MAP3K1: variants seen among roughly 807,000 people sequenced by gnomAD.
MAP3K1 encodes the protein MAP/ERK kinase kinase 1.
In MAP3K1, 36 loss-of-function variants were observed where a neutral mutation model predicts 144.2. The observed-to-expected ratio is 0.25, with a 90% CI of 0.19 to 0.33. MAP3K1 has a LOEUF of 0.33. Among genes scored for constraint, MAP3K1 ranks in the 10% least tolerant of loss-of-function variants. The pLI, the probability that MAP3K1 is intolerant of heterozygous loss-of-function variation, is 1.00. For synonymous variants in MAP3K1, 718 were observed against 688.7 expected (o/e 1.04, Z -0.67); for missense variants, 1,650 against 1,881.9 (o/e 0.88, Z 2.28).
Position 56,859,893 on chromosome 5 carries a change from G to C in MAP3K1, c.812G>C (p.Arg271Thr). The C allele has an allele frequency of 6.2e-7, 1 of 1,612,922 alleles. No homozygotes were observed. The highest frequency in any genetic ancestry group is 8.5e-7 in the Non-Finnish European group (1 of 1,179,480). The change falls in exon 3 of 20, where the codon AGA (arginine) becomes ACA (threonine). Residue 271 changes from arginine to threonine, a missense_variant. Transcript: ENST00000399503. The part of the protein sequence containing the change: ...TVKSESPGVR[R>T]KRVSPVPFQS... ...AAATCAGAATCTCCAGGAGTAAGGA[G>C]AAAAAGAGTTTCCCCAGTGCCTGTA...
chr5:56,875,254 A>C lies in MAP3K1; in HGVS notation c.1909A>C (p.Ser637Arg). 6.2e-7 allele frequency: 1 copy of C among 1,614,170 alleles called. No individual in the cohort carries two copies. The highest frequency in any genetic ancestry group is 8.5e-7 in the Non-Finnish European group (1 of 1,180,022). ...ISGDVVEACC[S>R]VLSMVCADPV... ...AGGAGATGTGGTGGAGGCATGCTGC[A>C]GCGTTCTGTCAATGGTCTGTGCTGA... The change falls in exon 10 of 20, where the codon AGC (serine) becomes CGC (arginine). Residue 637 changes from serine (S) to arginine (R), a missense_variant. Physicochemically the swap from Ser to Arg is moderately radical, Grantham distance 110. Around this residue, in one of 6 missense-constraint regions of MAP3K1, gnomAD observed 841 missense variants for 886.5 expected, o/e 0.95. Coordinates refer to ENST00000399503, the MANE Select transcript of MAP3K1 (RefSeq NM_005921.2).
intron 1 of MAP3K1, among the ~76,000 whole-genome samples, chr5:56,854,613 A>C (rs1747281125): frequency 1.3e-5 from 2 of 152,222 alleles, no homozygotes; most frequent in South Asian, 4.1e-4. Context: ...AGTATTTTCA[A>C]ACAAGTGGAA....
chr5:56,851,609 T>C (rs1432339242), intron 1 of MAP3K1, among the ~76,000 whole-genome samples: 2 of 152,222 alleles, frequency 1.3e-5, no homozygotes. Flanking sequence ...ATTACCTTGC[T>C]CTGTTTCCGT....
chr5:56,885,680 C>T (rs1171421670), intron 16 of MAP3K1, among the ~76,000 whole-genome samples: 3 of 152,056 alleles, frequency 2.0e-5, no homozygotes, highest in Admixed American at 6.6e-5. Flanking sequence ...TAGTTTAATC[C>T]GAAATTGTTA....
intron 1 of MAP3K1, among the ~76,000 whole-genome samples, chr5:56,830,380 T>A (rs1375616973): frequency 2.6e-5 from 4 of 152,148 alleles, no homozygotes; most frequent in Non-Finnish European, 4.4e-5. Context: ...CTGTTTCTTG[T>A]TTTACTTTCC....
At chr5:56,826,905 C>G (rs1246277378) in intron 1 of MAP3K1, among the ~76,000 whole-genome samples, 4 of 152,224 alleles carry the variant, frequency 2.6e-5, no homozygotes, top group Admixed American at 2.0e-4. Context: ...CCATCACTTG[C>G]CTGTGGAGGA....
At chr5:56,880,922 G>T in intron 12 of MAP3K1, 120 bp downstream of exon 12, 2 of 1,029,974 alleles carry the variant, frequency 1.9e-6, no homozygotes, top group South Asian at 1.4e-5. Context: ...TTTATAAATT[G>T]ATTCACTGTG....
chr5:56,893,478 T>TGTATCA, intron 19 of MAP3K1, 53 bp from the exon 20 acceptor site: 1 of 1,591,934 alleles, frequency 6.3e-7, no homozygotes, highest in Non-Finnish European at 8.6e-7. Context: ...CATGTGTTTC[T>TGTATCA]GTATCAGAAG....
Position 56,815,844 on chromosome 5 carries a change from C to T in MAP3K1, c.271C>T (p.Pro91Ser), listed in dbSNP as rs1158132716. Reference protein sequence around the residue: ...AASPPASSTSPSPEPADAAGS... With the variant: ...AASPPASSTSSSPEPADAAGS... ...CTCACCGCCGGCCTCCTCGACTTCCCCGTCGCCGGAGCCCGCGGACGCAGC... is the reference window on the plus strand; with the variant it reads ...CTCACCGCCGGCCTCCTCGACTTCCTCGTCGCCGGAGCCCGCGGACGCAGC... Residue 91 changes from proline (P) to serine (S), a missense_variant, in exon 1 of 20, where the codon CCG becomes TCG. Transcript: ENST00000399503. The T allele has an allele frequency of 5.7e-6, 8 of 1,405,086 alleles. No individual in the cohort carries two copies. The highest frequency in any genetic ancestry group is 7.4e-6 in the Non-Finnish European group (8 of 1,075,348). 87.0% of individuals were successfully genotyped at this position (1,405,086 alleles called of 1,614,324 possible).
Position 56,865,429 on chromosome 5 carries a change from A to G in MAP3K1, c.1125A>G (p.Leu375=). The G allele has an allele frequency of 6.2e-7, 1 of 1,603,928 alleles. No homozygotes were observed. Among genetic ancestry groups the G allele is most frequent in the South Asian group, 1.1e-5 (1 of 90,860 alleles). The change falls in exon 5 of 20, where the codon TTA becomes TTG. Residue 375 remains leucine (L), a synonymous_variant. Transcript: ENST00000399503. The part of the protein sequence containing the change: ...VFQLEPSDPM[L]WRKTLKNFEV... ...AACTAGAACCTTCAGACCCAATGTTATGGAGAAAAACTTTAAAGAATTTTG... is the reference window on the plus strand; with the variant it reads ...AACTAGAACCTTCAGACCCAATGTTGTGGAGAAAAACTTTAAAGAATTTTG...
intron 1 of MAP3K1, among the ~76,000 whole-genome samples, chr5:56,854,231 C>T (rs377734950): frequency 1.3e-5 from 2 of 151,756 alleles, no homozygotes; most frequent in Admixed American, 1.3e-4. Flanking sequence ...GTCAGGAGTT[C>T]GAGACCAGCC....
At chr5:56,846,390 G>A (rs894869270) in intron 1 of MAP3K1, among the ~76,000 whole-genome samples, 1 of 152,132 alleles carries the variant, frequency 6.6e-6, no homozygotes, top group Admixed American at 6.5e-5. Context: ...AAGGGTGTTC[G>A]CTTGAAAACA....
intron 17 of MAP3K1, among the ~76,000 whole-genome samples, chr5:56,886,275 A>G (rs1034320972): frequency 1.3e-5 from 2 of 152,114 alleles, no homozygotes; most frequent in South Asian, 2.1e-4. Context: ...AAGGTGGCGC[A>G]TGCCTGTAAT....
intron 1 of MAP3K1, among the ~76,000 whole-genome samples, chr5:56,835,041 A>C (rs546677713): frequency 6.6e-5 from 10 of 152,296 alleles, no homozygotes; most frequent in African/African-American, 2.2e-4. Flanking sequence ...TCTCCAATGG[A>C]ACCTTTGCTC....
Position 56,868,325 on chromosome 5 carries a change from T to TA in MAP3K1, c.1301+2356dup, listed in dbSNP as rs201278008. Among the ~76,000 whole-genome samples, 18 of 152,064 alleles carry TA rather than the reference T, an allele frequency of 1.2e-4. 1 individual carries two copies. In the South Asian group the frequency reaches 1.7e-3, roughly 14 times the overall value. ...AATTTTGCTTCAGAAAAAACTATGC[T>TA]AAAAAAAATCTGAAACGTCAAAAAA... On this transcript the variant is annotated intron_variant, in intron 6 of 19. Coordinates refer to ENST00000399503, the MANE Select transcript of MAP3K1 (RefSeq NM_005921.2).
At chr5:56,854,930 A>C (rs1747292170) in intron 1 of MAP3K1, among the ~76,000 whole-genome samples, 1 of 152,118 alleles carries the variant, frequency 6.6e-6, no homozygotes, top group Non-Finnish European at 1.5e-5. Context: ...TTGTTACTGG[A>C]GGGGGAAAGC....
chr5:56,819,438 C>A (rs1746085264), intron 1 of MAP3K1, among the ~76,000 whole-genome samples: 1 of 150,746 alleles, frequency 6.6e-6, no homozygotes. Context: ...TCAACAAGAG[C>A]AAAAAAAAAA....
At chr5:56,816,422 C>T (rs1422461112) in intron 1 of MAP3K1, among the ~76,000 whole-genome samples, 1 of 151,734 alleles carries the variant, frequency 6.6e-6, no homozygotes, top group Admixed American at 6.5e-5. Flanking sequence ...CCTGCGGCGG[C>T]GCCCCCGGAC....
intron 1 of MAP3K1, among the ~76,000 whole-genome samples, chr5:56,839,746 T>C (rs530168937): frequency 1.3e-5 from 2 of 152,300 alleles, no homozygotes; most frequent in Non-Finnish European, 2.9e-5. Context: ...TTGTCATGTC[T>C]GCAAGGACCC....
Sources: gnomAD v4.1 joint callset for allele counts (sites outside exome capture counted in the v4.1 genomes callset) on GRCh38, gnomAD v4.1.1 for gene constraint, gnomAD v4.1.1 regional missense constraint, MANE v1.5 for transcripts, NCBI Gene and HGNC (gene_info 2026-07-23, HGNC 2026-07-21) for gene names.